AIRIM: variants seen among roughly 807,000 people sequenced by gnomAD.
AIRIM encodes the protein AFG2-interacting ribosome maturation factor.
At chr1:37,689,238 G>A in the AIRIM span, among the ~76,000 whole-genome samples, 2 of 152,174 alleles carry the variant, frequency 1.3e-5, no homozygotes, top group Admixed American at 1.3e-4. Flanking sequence ...ATGTTGAAGA[G>A]ACTTTATAAC....
chr1:37,689,923 G>T, the AIRIM span: 1 of 1,503,420 alleles, frequency 6.7e-7, no homozygotes, highest in Non-Finnish European at 8.8e-7. Flanking sequence ...CCACGTTGGG[G>T]TGCCAAGTCA....
chr1:37,690,180 C>A, the AIRIM span: 1 of 1,167,762 alleles, frequency 8.6e-7, no homozygotes, highest in Non-Finnish European at 1.1e-6. Context: ...ACACGCCTGG[C>A]TAATTTTTGT....
the AIRIM span, chr1:37,686,356 A>G: frequency 1.2e-6 from 2 of 1,614,166 alleles, no homozygotes; most frequent in South Asian, 2.2e-5. Flanking sequence ...GCTGCAGGAC[A>G]GCATCAATGC....
chr1:37,689,065 A>G, the AIRIM span, among the ~76,000 whole-genome samples: 1 of 152,170 alleles, frequency 6.6e-6, no homozygotes, highest in African/African-American at 2.4e-5. Flanking sequence ...AGAGACACCA[A>G]TCTACAGCAG....
At chr1:37,690,583 G>A in the AIRIM span, 2 of 835,916 alleles carry the variant, frequency 2.4e-6, no homozygotes, top group Non-Finnish European at 3.2e-6. Flanking sequence ...TGGCTACTGA[G>A]TCGCGAAAAT....
the AIRIM span, among the ~76,000 whole-genome samples, chr1:37,685,381 T>G: frequency 7.5e-6 from 1 of 132,996 alleles, no homozygotes; most frequent in South Asian, 2.6e-4. Context: ...GGCCCAAAAT[T>G]CTTTTTTTTT....
chr1:37,687,043 G>T, the AIRIM span, among the ~76,000 whole-genome samples: 1 of 151,738 alleles, frequency 6.6e-6, no homozygotes, highest in African/African-American at 2.4e-5. Context: ...GTGACAGAGC[G>T]AGACTCCGTC....
chr1:37,686,461 AAG>A, the AIRIM span: 10 of 1,611,092 alleles, frequency 6.2e-6, no homozygotes, highest in Middle Eastern at 3.6e-4. Context: ...CTCTGCAAGA[AAG>A]AGTCTGACAT....
the AIRIM span, among the ~76,000 whole-genome samples, chr1:37,688,890 A>T: frequency 6.7e-6 from 1 of 149,756 alleles, no homozygotes; most frequent in South Asian, 2.1e-4. Flanking sequence ...CGCTTGAACC[A>T]GGGAAATCGA....
chr1:37,683,550 A>AT, the AIRIM span: 1 of 1,272,304 alleles, frequency 7.9e-7, no homozygotes, highest in Non-Finnish European at 1.1e-6. Context: ...ATATCCTTAC[A>AT]TTTTACCAGG....
chr1:37,689,409 G>GTCTC, the AIRIM span: 4 of 586,144 alleles, frequency 6.8e-6, no homozygotes, highest in Non-Finnish European at 8.7e-6. Context: ...GCCATGCCTA[G>GTCTC]TCTCTGACAA....
At chr1:37,692,032 G>A in the AIRIM span, 997 of 153,598 alleles carry the variant, frequency 6.5e-3, 12 homozygotes, top group Middle Eastern at 0.01. Context: ...CCACTTGCCC[G>A]AAGTTCGGCC....
the AIRIM span, among the ~76,000 whole-genome samples, chr1:37,688,607 A>T: frequency 6.6e-6 from 1 of 152,174 alleles, no homozygotes; most frequent in Admixed American, 6.5e-5. Context: ...AAGGTGCCTA[A>T]TGAACGTATT....
the AIRIM span, chr1:37,689,718 G>A: frequency 6.2e-7 from 1 of 1,614,014 alleles, no homozygotes. Flanking sequence ...TCAAACCGCA[G>A]GTTCTGTGCG....
At chr1:37,683,437 C>A in the AIRIM span, 6 of 1,613,198 alleles carry the variant, frequency 3.7e-6, no homozygotes, top group African/African-American at 1.3e-5. Context: ...TCTTCAGGTA[C>A]CTTTCTGGAA....
chr1:37,689,966 ATC>A, the AIRIM span: 1 of 1,463,536 alleles, frequency 6.8e-7, no homozygotes, highest in African/African-American at 1.4e-5. Flanking sequence ...GGTGGGCGTC[ATC>A]TCTGTTATCG....
the AIRIM span, chr1:37,686,236 A>G: frequency 6.4e-7 from 1 of 1,562,558 alleles, no homozygotes; most frequent in Non-Finnish European, 8.7e-7. Flanking sequence ...GACTTAGAAC[A>G]GCTCTGGCTG....
chr1:37,689,723 T>G, the AIRIM span: 1 of 1,613,982 alleles, frequency 6.2e-7, no homozygotes, highest in Middle Eastern at 1.7e-4. Context: ...CCGCAGGTTC[T>G]GTGCGGCCTG....
At chr1:37,686,573 A>G in the AIRIM span, 2 of 958,502 alleles carry the variant, frequency 2.1e-6, no homozygotes, top group Non-Finnish European at 3.1e-6. Context: ...GCTGCCCTGT[A>G]CATTGTAGGA....
Sources: gnomAD v4.1 joint callset for allele counts (sites outside exome capture counted in the v4.1 genomes callset) on GRCh38, gnomAD v4.1.1 for gene constraint, MANE v1.5 for transcripts, NCBI Gene and HGNC (gene_info 2026-07-23, HGNC 2026-07-21) for gene names.